CSMD1: variants seen among roughly 807,000 people sequenced by gnomAD.
CSMD1 encodes CUB and sushi domain-containing protein 1.
In CSMD1, 213 loss-of-function variants were observed where a neutral mutation model predicts 417.5. The ratio of observed to expected loss-of-function variants is 0.51; its 90% CI spans 0.46 to 0.57. The LOEUF (loss-of-function observed/expected upper bound fraction) is 0.57. Among genes scored for constraint, CSMD1 ranks in the 20% least tolerant of loss-of-function variants. The pLI is 0.00. For synonymous variants in CSMD1, 2,862 were observed against 1,736.8 expected (o/e 1.65, Z -16.11); for missense variants, 6,923 against 4,529.7 (o/e 1.53, Z -15.17).
At chr8:4,884,180 TTTATTA>T (rs1803580755) in intron 1 of CSMD1, among the ~76,000 whole-genome samples, 1 of 152,002 alleles carries the variant, frequency 6.6e-6, no homozygotes, top group Admixed American at 6.6e-5. Flanking sequence ...TGGTTGCCTT[TTTATTA>T]TTGAGCTGTA....
intron 7 of CSMD1, among the ~76,000 whole-genome samples, chr8:3,637,094 A>G (rs983215375): frequency 6.6e-6 from 1 of 152,122 alleles, no homozygotes; most frequent in African/African-American, 2.4e-5. Flanking sequence ...AGACTCCAAA[A>G]CTATAGAAAA....
chr8:4,095,366 G>T (rs34511452), intron 3 of CSMD1, among the ~76,000 whole-genome samples: 14,070 of 151,696 alleles, frequency 0.093, 758 homozygotes, highest in Middle Eastern at 0.12. Flanking sequence ...GTATGTGGCT[G>T]ATGTAGAAAC....
chr8:3,433,354 T>C (rs1421345789), intron 12 of CSMD1, among the ~76,000 whole-genome samples: 4 of 152,202 alleles, frequency 2.6e-5, no homozygotes, highest in Non-Finnish European at 4.4e-5. Context: ...TGCAAATATT[T>C]TCAATGAGAA....
At chr8:4,849,819 C>A (rs935962262) in intron 1 of CSMD1, among the ~76,000 whole-genome samples, 1 of 152,128 alleles carries the variant, frequency 6.6e-6, no homozygotes. Flanking sequence ...CCTAACAAAG[C>A]ATTTCTCAGA....
At chr8:3,368,771 T>A (rs994315307) in intron 19 of CSMD1, among the ~76,000 whole-genome samples, 2 of 152,206 alleles carry the variant, frequency 1.3e-5, no homozygotes, top group African/African-American at 2.4e-5. Context: ...TGCTTACCTA[T>A]AAAATGAGGA....
intron 3 of CSMD1, among the ~76,000 whole-genome samples, chr8:4,357,522 C>G (rs1041491131): frequency 6.6e-6 from 1 of 152,142 alleles, no homozygotes; most frequent in African/African-American, 2.4e-5. Context: ...GCACTACCAT[C>G]TCTAAGTAAG....
At chr8:4,488,767 C>T (rs932059683) in intron 2 of CSMD1, among the ~76,000 whole-genome samples, 3 of 152,034 alleles carry the variant, frequency 2.0e-5, no homozygotes, top group Admixed American at 6.5e-5. Flanking sequence ...CTATGACCCG[C>T]GTCCTGCGTA....
chr8:4,520,736 C>T (rs1020965179), intron 2 of CSMD1, among the ~76,000 whole-genome samples: 1 of 152,042 alleles, frequency 6.6e-6, no homozygotes, highest in African/African-American at 2.4e-5. Flanking sequence ...AATTATTTAA[C>T]TCTAATTGAA....
chr8:4,160,376 T>A (rs1016185093), intron 3 of CSMD1, among the ~76,000 whole-genome samples: 1 of 152,176 alleles, frequency 6.6e-6, no homozygotes, highest in South Asian at 2.1e-4. Flanking sequence ...ACTTTGGAAA[T>A]TTGGTGTTAT....
intron 1 of CSMD1, among the ~76,000 whole-genome samples, chr8:4,684,448 T>C (rs997125407): frequency 1.9e-4 from 29 of 152,208 alleles, no homozygotes; most frequent in Non-Finnish European, 3.4e-4. Context: ...TGGATAATTT[T>C]TTGGTTTGTT....
chr8:4,233,311 A>T (rs1201515902), intron 3 of CSMD1, among the ~76,000 whole-genome samples: 1 of 152,198 alleles, frequency 6.6e-6, no homozygotes, highest in Non-Finnish European at 1.5e-5. Context: ...TCAAATTTGA[A>T]TGTTAAAAAC....
chr8:4,815,648 G>T (rs1193998896), intron 1 of CSMD1, among the ~76,000 whole-genome samples: 2 of 143,538 alleles, frequency 1.4e-5, no homozygotes, highest in East Asian at 2.1e-4. Context: ...GTGAACTGAG[G>T]CTGCACCATT....
At chr8:4,713,310 A>G (rs1471240810) in intron 1 of CSMD1, among the ~76,000 whole-genome samples, 1 of 152,228 alleles carries the variant, frequency 6.6e-6, no homozygotes, top group East Asian at 1.9e-4. Flanking sequence ...TGGGATGCTT[A>G]AAGACCCATC....
Position 2,978,481 on chromosome 8 carries a change from C to T in CSMD1, c.8566+131G>A, listed in dbSNP as rs1805122137. On this transcript the variant is annotated intron_variant, in intron 55 of 69. Transcript: ENST00000635120. ...ACTCGATCTACAGCTATCATAAAAA[C>T]TCCTACAATTGGTGATGGGAGGACA... 3.4e-5 allele frequency: 24 copies of T among 713,394 alleles called. No homozygotes were observed. The South Asian group carries it at 5.0e-4, about 15-fold the overall frequency. 44.2% of individuals were successfully genotyped at this position (713,394 alleles called of 1,614,324 possible).
chr8:3,551,496 G>C (rs938719784), intron 10 of CSMD1, among the ~76,000 whole-genome samples: 2 of 150,636 alleles, frequency 1.3e-5, no homozygotes, highest in African/African-American at 4.9e-5. Flanking sequence ...TATTGTGACT[G>C]TTTGATAAGA....
At chr8:4,736,720 T>C (rs1458551011) in intron 1 of CSMD1, among the ~76,000 whole-genome samples, 1 of 152,174 alleles carries the variant, frequency 6.6e-6, no homozygotes, top group African/African-American at 2.4e-5. Flanking sequence ...AAAAAGTTAC[T>C]GGGAGAAAAT....
chr8:4,192,100 GGAA>G (rs1799066164), intron 3 of CSMD1, among the ~76,000 whole-genome samples: 1 of 152,088 alleles, frequency 6.6e-6, no homozygotes, highest in Admixed American at 6.6e-5. Context: ...CAAAAACGTG[GGAA>G]GGAGAAGGAT....
At chr8:4,550,016 T>C (rs768246877) in intron 2 of CSMD1, among the ~76,000 whole-genome samples, 32 of 150,120 alleles carry the variant, frequency 2.1e-4, no homozygotes, top group Non-Finnish European at 4.3e-4. Context: ...AGGACAAGAG[T>C]GGAGGAGAAA....
At chr8:4,057,122 C>T (rs1257476754) in intron 3 of CSMD1, among the ~76,000 whole-genome samples, 2 of 152,210 alleles carry the variant, frequency 1.3e-5, no homozygotes. Context: ...CTGACTTCCA[C>T]AAGGGTTGAA....
Sources: allele counts gnomAD v4.1 joint callset (sites outside exome capture counted in the v4.1 genomes callset), GRCh38; gene constraint gnomAD v4.1.1; transcripts MANE v1.5; gene names NCBI Gene and HGNC (gene_info 2026-07-23, HGNC 2026-07-21).